PARD3: variants seen among roughly 807,000 people sequenced by gnomAD.
PARD3 encodes the protein par-3 family cell polarity regulator, also known as partitioning defective 3 homolog.
A neutral mutation model predicts 155.4 loss-of-function variants in PARD3; 75 were observed. That is an observed-to-expected ratio of 0.48 (90% CI 0.40 to 0.58). PARD3 has a LOEUF of 0.58. Ranked by LOEUF, PARD3 falls within the 20% of genes least tolerant of loss-of-function variation. The pLI is 0.00. For synonymous variants in PARD3, 576 were observed against 610.5 expected, an observed-to-expected ratio of 0.94 and a Z score of 0.83; for missense variants, 1,642 against 1,721.7, an observed-to-expected ratio of 0.95 and a Z score of 0.82.
intron 2 of PARD3, among the ~76,000 whole-genome samples, chr10:34,659,710 A>G (rs2093273728): frequency 6.6e-6 from 1 of 151,890 alleles, no homozygotes; most frequent in East Asian, 1.9e-4. Flanking sequence ...AAAAGCCACC[A>G]AGCTCCACTC....
At chr10:34,171,872 C>A (rs1254005395) in intron 22 of PARD3, among the ~76,000 whole-genome samples, 19 of 144,066 alleles carry the variant, frequency 1.3e-4, no homozygotes, top group Non-Finnish European at 7.5e-5. Flanking sequence ...ATCACTTGAA[C>A]CCAGGAGGTG....
chr10:34,388,683 CGTCAGTGTGCTG>C (rs1045795011), intron 7 of PARD3, among the ~76,000 whole-genome samples: 1 of 152,150 alleles, frequency 6.6e-6, no homozygotes, highest in African/African-American at 2.4e-5. Context: ...CATTTTGGCA[CGTCAGTGTGCTG>C]GTAGAGAGAA....
chr10:34,450,603 C>T (rs1208053784), intron 4 of PARD3, among the ~76,000 whole-genome samples, 155 bp from the exon 5 acceptor site: 1 of 152,116 alleles, frequency 6.6e-6, no homozygotes, highest in Non-Finnish European at 1.5e-5. Context: ...ACATTCCACC[C>T]AGATTAGACC....
At chr10:34,145,221 A>ATATATATATTTTTTTTT (rs1491430560) in intron 22 of PARD3, among the ~76,000 whole-genome samples, 1 of 33,970 alleles carries the variant, frequency 2.9e-5, no homozygotes, top group African/African-American at 1.4e-4. Context: ...ATATATATAT[A>ATATATATATTTTTTTTT]TTTTTTTTTT....
chr10:34,731,579 T>C (rs11009899), intron 1 of PARD3, among the ~76,000 whole-genome samples: 42,229 of 152,118 alleles, frequency 0.28, 7,198 homozygotes, highest in Non-Finnish European at 0.38. Flanking sequence ...TTATTTGCCA[T>C]TAAAATCACA....
chr10:34,639,855 G>GACACACACACACAC (rs139829298), intron 2 of PARD3, among the ~76,000 whole-genome samples: 2 of 150,316 alleles, frequency 1.3e-5, no homozygotes, highest in South Asian at 4.2e-4. Context: ...AACAGAGTAA[G>GACACACACACACAC]ACACACACAC....
chr10:34,668,184 C>T lies in PARD3; in HGVS notation c.222+28134G>A, dbSNP rs374114434. On this transcript the variant is annotated intron_variant, in intron 2 of 24. Transcript: ENST00000374788. The stretch of plus-strand genomic sequence containing the variant: ...ACTACAAATGAAAACCATCAAGACT[C>T]CAGGACTATGTGCCGAGACAAGCCT... Among the ~76,000 whole-genome samples the T allele has an allele frequency of 6.3e-4, 96 of 152,328 alleles. 1 individual carries two copies. Among genetic ancestry groups the T allele is most frequent in the African/African-American group, 2.3e-3 (95 of 41,584 alleles).
At chr10:34,794,843 TAAC>T (rs1842074019) in intron 1 of PARD3, among the ~76,000 whole-genome samples, 1 of 151,816 alleles carries the variant, frequency 6.6e-6, no homozygotes, top group Admixed American at 6.6e-5. Flanking sequence ...ACATGACACA[TAAC>T]AATAAAAAAA....
At chr10:34,546,272 C>T (rs933734152) in intron 2 of PARD3, among the ~76,000 whole-genome samples, 1 of 151,954 alleles carries the variant, frequency 6.6e-6, no homozygotes, top group Non-Finnish European at 1.5e-5. Flanking sequence ...AATCCCAGCA[C>T]TTTGGGAGGC....
chr10:34,494,752 A>G (rs2080158011), intron 3 of PARD3, among the ~76,000 whole-genome samples: 1 of 152,194 alleles, frequency 6.6e-6, no homozygotes, highest in African/African-American at 2.4e-5. Context: ...TTAAGTCCTG[A>G]TATTTTTTTA....
At chr10:34,157,751 ACTTGTTTT>A (rs1949079818) in intron 22 of PARD3, among the ~76,000 whole-genome samples, 1 of 152,226 alleles carries the variant, frequency 6.6e-6, no homozygotes, top group African/African-American at 2.4e-5. Context: ...CAAATGAAGC[ACTTGTTTT>A]TCATGGTTCT....
At chr10:34,341,922 T>TA (rs1459377290) in intron 15 of PARD3, 106 bp from the exon 16 acceptor site, 1 of 654,492 alleles carries the variant, frequency 1.5e-6, no homozygotes. Flanking sequence ...ATTTTCCACA[T>TA]ATCTGCTCAA....
intron 2 of PARD3, among the ~76,000 whole-genome samples, chr10:34,535,960 T>C (rs2083197771): frequency 6.6e-6 from 1 of 152,194 alleles, no homozygotes; most frequent in Non-Finnish European, 1.5e-5. Context: ...TGGTTTTTAG[T>C]AATAAATCTA....
intron 1 of PARD3, among the ~76,000 whole-genome samples, chr10:34,799,879 G>A (rs1842687787): frequency 6.6e-6 from 1 of 151,588 alleles, no homozygotes; most frequent in Admixed American, 6.6e-5. Context: ...TGTAGTCCCA[G>A]CTACTTGTGA....
intron 5 of PARD3, among the ~76,000 whole-genome samples, chr10:34,438,192 GAAGA>G (rs1470126019): frequency 6.6e-6 from 1 of 152,176 alleles, no homozygotes; most frequent in Non-Finnish European, 1.5e-5. Flanking sequence ...AGACATTCTT[GAAGA>G]AAGTTCACAA....
At chr10:34,722,966 G>A (rs905501380) in intron 1 of PARD3, among the ~76,000 whole-genome samples, 1 of 152,160 alleles carries the variant, frequency 6.6e-6, no homozygotes, top group African/African-American at 2.4e-5. Context: ...CTGAAGTTGG[G>A]TGACAGGTAC....
intron 4 of PARD3, among the ~76,000 whole-genome samples, chr10:34,464,789 G>C (rs2133007552): frequency 6.6e-6 from 1 of 152,298 alleles, no homozygotes; most frequent in East Asian, 1.9e-4. Context: ...TACTTGGATG[G>C]TTCCCCCTGG....
chr10:34,246,990 G>C (rs2133703386), intron 22 of PARD3, among the ~76,000 whole-genome samples: 1 of 152,244 alleles, frequency 6.6e-6, no homozygotes. Context: ...AGGAGGCTGA[G>C]GTGGGAGGAC....
intron 2 of PARD3, among the ~76,000 whole-genome samples, chr10:34,644,215 G>C (rs1329593078): frequency 6.6e-6 from 1 of 152,146 alleles, no homozygotes; most frequent in Non-Finnish European, 1.5e-5. Context: ...ACACATCTTA[G>C]TGCCTAAGAC....
Sources: gnomAD v4.1 joint callset for allele counts (sites outside exome capture counted in the v4.1 genomes callset) on GRCh38, gnomAD v4.1.1 for gene constraint, MANE v1.5 for transcripts, NCBI Gene and HGNC (gene_info 2026-07-23, HGNC 2026-07-21) for gene names.